Variants in WDPCP observed in about 807,000 individuals in gnomAD.
WDPCP encodes WD repeat-containing and planar cell polarity effector protein fritz homolog.
In WDPCP, 71 loss-of-function variants were observed where a neutral mutation model predicts 93.1. That is an observed-to-expected ratio of 0.76 (90% CI 0.63 to 0.93). The LOEUF (loss-of-function observed/expected upper bound fraction) is 0.93. WDPCP is among the 40% of genes least tolerant of loss of function. The pLI, the probability that WDPCP is intolerant of heterozygous loss-of-function variation, is 0.00. For synonymous variants in WDPCP, 315 were observed against 315.0 expected, an observed-to-expected ratio of 1.00 and a Z score of 0.00; for missense variants, 844 against 887.4, an observed-to-expected ratio of 0.95 and a Z score of 0.62.
intron 2 of WDPCP, among the ~76,000 whole-genome samples, chr2:63,490,928 C>T (rs1334618099): frequency 1.3e-5 from 2 of 152,112 alleles, no homozygotes; most frequent in South Asian, 4.1e-4. Flanking sequence ...AAGCATAAAA[C>T]CTAGTTATAT....
At chr2:63,342,435 G>A (rs1381461713) in intron 12 of WDPCP, among the ~76,000 whole-genome samples, 1 of 152,080 alleles carries the variant, frequency 6.6e-6, no homozygotes. Flanking sequence ...AATCATATGT[G>A]TTTTGTTATA....
intron 2 of WDPCP, among the ~76,000 whole-genome samples, chr2:63,762,539 T>C (rs773399036): frequency 5.3e-5 from 8 of 152,272 alleles, no homozygotes; most frequent in Admixed American, 2.6e-4. Flanking sequence ...TATAAGAATA[T>C]ATTAATTTCT....
intron 1 of WDPCP, among the ~76,000 whole-genome samples, chr2:63,823,638 G>T (rs1047268894): frequency 6.6e-6 from 1 of 152,116 alleles, no homozygotes; most frequent in African/African-American, 2.4e-5. Context: ...AGAACCAAAT[G>T]AAATTAAGTT....
chr2:63,838,559 C>T, the WDPCP span, among the ~76,000 whole-genome samples: 1 of 152,020 alleles, frequency 6.6e-6, no homozygotes, highest in Non-Finnish European at 1.5e-5. Flanking sequence ...CCCCCATCTT[C>T]ATTCTTTGGA....
At chr2:63,825,139 A>C (rs944996256) in intron 1 of WDPCP, among the ~76,000 whole-genome samples, 2 of 152,164 alleles carry the variant, frequency 1.3e-5, no homozygotes, top group Non-Finnish European at 2.9e-5. Flanking sequence ...CTCACTAATA[A>C]ATGCCGGTGA....
At chr2:63,472,115 A>G (rs1178286480) in intron 6 of WDPCP, among the ~76,000 whole-genome samples, 1 of 151,992 alleles carries the variant, frequency 6.6e-6, no homozygotes, top group Admixed American at 6.6e-5. Context: ...TACTGTTGAG[A>G]AGTCTGATAT....
intron 1 of WDPCP, among the ~76,000 whole-genome samples, chr2:63,567,760 T>C (rs1419013708): frequency 6.6e-6 from 1 of 152,232 alleles, no homozygotes; most frequent in Non-Finnish European, 1.5e-5. Context: ...TTTTGATCTT[T>C]ATTCTCTGTT....
intron 8 of WDPCP, among the ~76,000 whole-genome samples, chr2:63,434,676 T>G (rs1219058194): frequency 6.6e-6 from 1 of 152,114 alleles, no homozygotes; most frequent in Non-Finnish European, 1.5e-5. Flanking sequence ...TATCTTGCCA[T>G]TGCTGGTCAG....
rs538272441 is a variant in WDPCP at position 63,390,524 on chromosome 2, G to A, written c.1436-8430C>T. 5.3e-5 allele frequency among the ~76,000 whole-genome samples: 8 copies of A among 152,190 alleles called. No homozygotes were observed. In the South Asian group the frequency reaches 1.2e-3, roughly 24 times the overall value. ...CAAGAGCAAACACATTCAAAAGCTA[G>A]CAGAAGGCAAGAAATAACTAAGATC... On this transcript the variant is annotated intron_variant, in intron 10 of 17. Coordinates refer to ENST00000272321, the MANE Select transcript of WDPCP (RefSeq NM_015910.7).
At chr2:63,830,893 A>C (rs905468428), upstream of WDPCP, among the ~76,000 whole-genome samples, 1 of 152,114 alleles carries the variant, frequency 6.6e-6, no homozygotes, top group Non-Finnish European at 1.5e-5. Flanking sequence ...CAATTCCTAA[A>C]TTTATACCAG....
At chr2:63,400,321 A>G (rs1359907587) in intron 10 of WDPCP, among the ~76,000 whole-genome samples, 1 of 152,180 alleles carries the variant, frequency 6.6e-6, no homozygotes, top group African/African-American at 2.4e-5. Flanking sequence ...TATAAAACCC[A>G]AAAGTATAGA....
chr2:63,231,470 A>G (rs1013559220), intron 14 of WDPCP, among the ~76,000 whole-genome samples: 2 of 152,220 alleles, frequency 1.3e-5, no homozygotes, highest in Non-Finnish European at 2.9e-5. Context: ...CTGATAAGCA[A>G]CTTCAGCAAA....
chr2:63,260,712 G>A (rs1681551340), intron 13 of WDPCP, among the ~76,000 whole-genome samples: 1 of 152,108 alleles, frequency 6.6e-6, no homozygotes. Context: ...ACCACGCCTG[G>A]CTAGCTTTTG....
chr2:63,709,695 G>A (rs554672459), intron 2 of WDPCP, among the ~76,000 whole-genome samples: 2 of 152,184 alleles, frequency 1.3e-5, no homozygotes, highest in Non-Finnish European at 2.9e-5. Context: ...TGTCCTGAAA[G>A]TTCTCATGAT....
At chr2:63,306,138 A>T (rs113673187) in intron 13 of WDPCP, among the ~76,000 whole-genome samples, 4 of 152,350 alleles carry the variant, frequency 2.6e-5, no homozygotes, top group African/African-American at 9.6e-5. Context: ...TAGAAAATCT[A>T]GAAGAAATAG....
At chr2:63,836,190 G>A in the WDPCP span, among the ~76,000 whole-genome samples, 2 of 152,100 alleles carry the variant, frequency 1.3e-5, no homozygotes, top group African/African-American at 4.8e-5. Context: ...TAGGTTGGTG[G>A]GTGTGAAATG....
At chr2:63,486,476 T>C in intron 4 of WDPCP, 66 bp downstream of exon 4, 1 of 1,426,984 alleles carries the variant, frequency 7.0e-7, no homozygotes, top group Non-Finnish European at 9.6e-7. Flanking sequence ...TTGTTCCAGA[T>C]GAATATTTTA....
intron 1 of WDPCP, among the ~76,000 whole-genome samples, chr2:63,531,891 G>T (rs1469063873): frequency 1.3e-5 from 2 of 152,116 alleles, no homozygotes; most frequent in Non-Finnish European, 2.9e-5. Context: ...AGGCTCAGAA[G>T]ATCGGTAATA....
At chr2:63,567,971 AT>A (rs1707200626) in intron 1 of WDPCP, among the ~76,000 whole-genome samples, 1 of 152,234 alleles carries the variant, frequency 6.6e-6, no homozygotes, top group Non-Finnish European at 1.5e-5. Context: ...GGAGTACTGA[AT>A]TTAAGTGTAC....
Sources: gnomAD v4.1 joint callset for allele counts (sites outside exome capture counted in the v4.1 genomes callset) on GRCh38, gnomAD v4.1.1 for gene constraint, MANE v1.5 for transcripts, NCBI Gene and HGNC (gene_info 2026-07-23, HGNC 2026-07-21) for gene names.